Variants in JAK2 observed in about 807,000 individuals in gnomAD.
JAK2 encodes Janus kinase 2.
In JAK2, 86 loss-of-function variants were observed where a neutral mutation model predicts 139.3. The observed-to-expected ratio is 0.62, with a 90% CI of 0.52 to 0.74. The LOEUF (loss-of-function observed/expected upper bound fraction) is 0.74. Among genes scored for constraint, JAK2 ranks in the 30% least tolerant of loss-of-function variants. The pLI is 0.00. For missense variants in JAK2, 1,421 were observed against 1,360.3 expected (o/e 1.04, Z -0.70); for synonymous variants, 490 against 437.7 (o/e 1.12, Z -1.49).
intron 2 of JAK2, among the ~76,000 whole-genome samples, chr9:5,020,413 G>A (rs1822339926): frequency 6.6e-6 from 1 of 152,152 alleles, no homozygotes; most frequent in South Asian, 2.1e-4. Context: ...GCCCTCCAGT[G>A]GTGTTAGCAG....
intron 22 of JAK2, chr9:5,111,848 A>G (rs1223081160): frequency 7.5e-6 from 3 of 400,938 alleles, no homozygotes; most frequent in Non-Finnish European, 1.5e-5. Flanking sequence ...GGCGGGGCCG[A>G]CAACCTCCTG....
In JAK2 at chr9:5,073,718, T is replaced by C. The variant is rs2130555935; in HGVS notation, c.1797T>C (p.Ser599=). 6.2e-7 allele frequency: 1 copy of C among 1,611,856 alleles called. No homozygotes were observed. Among genetic ancestry groups the C allele is most frequent in the East Asian group, 2.2e-5 (1 of 44,824 alleles). Residue 599 remains serine, a synonymous_variant, in exon 14 of 25, where the codon AGT becomes AGC. Transcript: ENST00000381652. ...NYSESFFEAA[S]MMSKLSHKHL... ...CTTAGTCTTTCTTTGAAGCAGCAAG[T>C]ATGATGAGCAAGCTTTCTCACAAGC...
rs556950616 is a variant in JAK2, at chr9:5,087,760, A to G, written c.2572-1914A>G. 1.1e-4 allele frequency among the ~76,000 whole-genome samples: 16 copies of G among 151,772 alleles called. No individual in the cohort carries two copies. The South Asian group carries it at 2.9e-3, about 27-fold the overall frequency. ...ACAGCTTCTAATGCAGTGTGTATCA[A>G]GTCCCTTTGAAATGTTCTTATCTTT... On this transcript the variant is annotated intron_variant, in intron 19 of 24. Coordinates refer to ENST00000381652, the MANE Select transcript of JAK2 (RefSeq NM_004972.4).
intron 19 of JAK2, chr9:5,085,285 A>G (rs1421234899): frequency 1.3e-5 from 9 of 707,198 alleles, no homozygotes; most frequent in East Asian, 3.0e-5. Context: ...TGGTTTGCCT[A>G]TGTTAGAACA....
In JAK2 at chr9:5,122,989, T is replaced by C; in HGVS notation, c.3060-15T>C. 13 of 1,522,324 alleles carry C rather than the reference T, an allele frequency of 8.5e-6. No individual in the cohort carries two copies. Among genetic ancestry groups the C allele is most frequent in the African/African-American group, 1.4e-5 (1 of 72,552 alleles). The allele number at this position is 1,522,324 out of a possible 1,614,324, so 94.3% of individuals were successfully genotyped here. On this transcript the variant is annotated splice_polypyrimidine_tract_variant and intron_variant, in intron 22 of 24. Transcript: ENST00000381652. ...TCAAGTAACTGTCTTTTAAATGTTA[T>C]TCATATATTTACAGGTATGCTCCAG...
At chr9:5,041,360 A>G in intron 4 of JAK2, 1 of 630,214 alleles carries the variant, frequency 1.6e-6, no homozygotes, top group South Asian at 1.7e-5. Context: ...CTACATGAGC[A>G]TCAACATGCA....
At chr9:5,111,550 C>G (rs975369816) in intron 22 of JAK2, 1 of 368,070 alleles carries the variant, frequency 2.7e-6, no homozygotes. Context: ...CCGCCCCCTT[C>G]TACATGGCAG....
intron 2 of JAK2, among the ~76,000 whole-genome samples, chr9:4,998,855 G>T (rs2209773): frequency 6.6e-6 from 1 of 151,596 alleles, no homozygotes. Context: ...TTTTGAGATG[G>T]AGTCTCCCTC....
chr9:5,057,667 G>A (rs1461671029), intron 8 of JAK2, among the ~76,000 whole-genome samples: 6 of 143,444 alleles, frequency 4.2e-5, no homozygotes, highest in Non-Finnish European at 7.5e-5. Context: ...ACTGTAACCT[G>A]TGCCTCCTGG....
intron 2 of JAK2, among the ~76,000 whole-genome samples, chr9:5,003,633 A>T (rs544909956): frequency 6.6e-6 from 1 of 152,204 alleles, no homozygotes; most frequent in African/African-American, 2.4e-5. Context: ...CTACATATAC[A>T]GACATGTCCT....
At chr9:5,069,339 T>C in intron 11 of JAK2, 131 bp downstream of exon 11, 1 of 612,334 alleles carries the variant, frequency 1.6e-6, no homozygotes, top group Non-Finnish European at 2.8e-6. Context: ...TATCTTATTC[T>C]ATTGTACAAG....
chr9:5,058,988 A>G (rs1304081115), intron 8 of JAK2, among the ~76,000 whole-genome samples: 1 of 151,862 alleles, frequency 6.6e-6, no homozygotes, highest in Non-Finnish European at 1.5e-5. Flanking sequence ...ATTGCTTTTC[A>G]CTATGTTGCT....
intron 4 of JAK2, among the ~76,000 whole-genome samples, chr9:5,043,246 C>T (rs1401051579): frequency 1.3e-5 from 2 of 152,058 alleles, no homozygotes; most frequent in African/African-American, 2.4e-5. Flanking sequence ...TTTGCTTTAC[C>T]AAGTGTACGG....
At chr9:5,110,905 C>G (rs1391397632) in intron 22 of JAK2, 17 of 556,378 alleles carry the variant, frequency 3.1e-5, no homozygotes, top group Non-Finnish European at 5.1e-5. Context: ...CCGCTCTGGC[C>G]CCAAGAGAAT....
chr9:5,058,257 A>C lies in JAK2; in HGVS notation c.1056+2469A>C, dbSNP rs117824970. Among the ~76,000 whole-genome samples the C allele has an allele frequency of 2.0e-3, 301 of 152,292 alleles. 1 individual carries two copies. Among genetic ancestry groups the C allele is most frequent in the Non-Finnish European group, 3.3e-3 (226 of 68,010 alleles). ...TAAAGATACTACCTGGGACTGGATA[A>C]TTTATTTAAAAAGAGGGTTTAATTG... On this transcript the variant is annotated intron_variant, in intron 8 of 24. Transcript: ENST00000381652.
chr9:5,085,271 A>G, intron 19 of JAK2: 1 of 693,088 alleles, frequency 1.4e-6, no homozygotes, highest in Non-Finnish European at 2.8e-6. Flanking sequence ...ACATCAGCTG[A>G]TGTTGGTTTG....
At chr9:5,096,219 T>C (rs1820974258) in intron 22 of JAK2, among the ~76,000 whole-genome samples, 1 of 152,202 alleles carries the variant, frequency 6.6e-6, no homozygotes, top group African/African-American at 2.4e-5. Context: ...TTATTTCTTC[T>C]ACCTTCCTCT....
intron 2 of JAK2, among the ~76,000 whole-genome samples, chr9:4,990,749 T>C (rs1294540732): frequency 6.6e-6 from 1 of 152,044 alleles, no homozygotes; most frequent in African/African-American, 2.4e-5. Flanking sequence ...TAATAAGAAA[T>C]CTATAAAAAC....
At chr9:5,038,214 C>T (rs1166188840) in intron 4 of JAK2, among the ~76,000 whole-genome samples, 1 of 151,964 alleles carries the variant, frequency 6.6e-6, no homozygotes, top group Non-Finnish European at 1.5e-5. Context: ...GGACAAATTC[C>T]TAGAAAGACA....
Sources: allele counts gnomAD v4.1 joint callset (sites outside exome capture counted in the v4.1 genomes callset), GRCh38; gene constraint gnomAD v4.1.1; transcripts MANE v1.5; gene names NCBI Gene and HGNC (gene_info 2026-07-23, HGNC 2026-07-21).